Variants in DDHD2 observed in about 807,000 individuals in gnomAD.
The protein encoded by DDHD2 is DDHD domain containing 2.
DDHD2 carries 62 observed loss-of-function variants against 91.2 expected under a neutral mutation model. That is an observed-to-expected ratio of 0.68 (90% CI 0.55 to 0.84). DDHD2 has a LOEUF of 0.84. DDHD2 is among the 40% of genes least tolerant of loss of function. The pLI, the probability that DDHD2 is intolerant of heterozygous loss-of-function variation, is 0.00. For synonymous variants in DDHD2, 271 were observed against 293.9 expected (o/e 0.92, Z 0.80); for missense variants, 740 against 846.9 (o/e 0.87, Z 1.57).
intron 16 of DDHD2, 25 bp from the exon 17 acceptor site, chr8:38,260,015 T>C (rs1468095169): frequency 4.7e-6 from 7 of 1,495,240 alleles, no homozygotes; most frequent in Non-Finnish European, 6.5e-6. Flanking sequence ...GTTCCTTTTC[T>C]CAACATAATT....
chr8:38,249,761 A>G lies in DDHD2; in HGVS notation c.1302A>G (p.Arg434=). Residue 434 remains arginine (R), a synonymous_variant, in exon 11 of 18, where the codon AGA becomes AGG. Coordinates refer to ENST00000397166, the MANE Select transcript of DDHD2 (RefSeq NM_015214.3). ...AAATAGGAATTCCTTTAGGACCAAG[A>G]AAGAAGATATTAAACTATTTCAGCA... ...LQEIGIPLGP[R]KKILNYFSTR... 6.2e-7 allele frequency: 1 copy of G among 1,612,420 alleles called. No individual in the cohort carries two copies. The highest frequency in any genetic ancestry group is 1.1e-5 in the South Asian group (1 of 91,026).
chr8:38,267,544 A>C, downstream of DDHD2: 1 of 847,840 alleles, frequency 1.2e-6, no homozygotes, highest in Admixed American at 3.1e-5. Flanking sequence ...ACACTAAGAG[A>C]AAAGCCTTTC....
chr8:38,262,020 G>T lies in DDHD2; in HGVS notation c.*1447G>T, dbSNP rs1807068111. On this transcript the variant is annotated 3_prime_UTR_variant, in exon 18 of 18. Coordinates refer to ENST00000397166, the MANE Select transcript of DDHD2 (RefSeq NM_015214.3). ...CAGCAGTGGTCTTTATCCCTTTCTG[G>T]AAAGAAAAGGAAAATGAAGGGTAAT... The T allele has an allele frequency of 6.6e-6, 1 of 152,056 alleles. No individual in the cohort carries two copies. The highest frequency in any genetic ancestry group is 6.5e-5 in the Admixed American group (1 of 15,270). The allele number at this position is 152,056 out of a possible 1,614,324, so 9.4% of individuals were successfully genotyped here.
intron 14 of DDHD2, 22 bp from the exon 15 acceptor site, chr8:38,252,935 G>A (rs771396996): frequency 6.2e-7 from 1 of 1,613,008 alleles, no homozygotes; most frequent in South Asian, 1.1e-5. Flanking sequence ...ATCATTTAAT[G>A]TTCTTTATTT....
chr8:38,247,102 T>TTATTTC (rs1036422059), intron 9 of DDHD2: 1 of 152,222 alleles, frequency 6.6e-6, no homozygotes, highest in Non-Finnish European at 1.5e-5. Flanking sequence ...TTAGACTATT[T>TTATTTC]TATTTCTATT....
At chr8:38,264,423 A>C, downstream of DDHD2, 2 of 1,528,420 alleles carry the variant, frequency 1.3e-6, no homozygotes. Flanking sequence ...ATGAGCCACC[A>C]CGCCCGGCCA....
chr8:38,249,666 A>G, intron 10 of DDHD2, 42 bp from the exon 11 acceptor site: 1 of 1,456,002 alleles, frequency 6.9e-7, no homozygotes, highest in Non-Finnish European at 9.5e-7. Context: ...GATTGATTTT[A>G]TTTTGTCTAG....
At chr8:38,244,619 G>C (rs1467624695) in intron 7 of DDHD2, among the ~76,000 whole-genome samples, 1 of 151,358 alleles carries the variant, frequency 6.6e-6, no homozygotes, top group Non-Finnish European at 1.5e-5. Flanking sequence ...GGGCTGGAGT[G>C]CAATGGCACA....
chr8:38,268,419 T>A, intron 1 of DDHD2: 1 of 1,578,190 alleles, frequency 6.3e-7, no homozygotes, highest in Non-Finnish European at 8.6e-7. Context: ...TTGAGAAATT[T>A]GGCCAGGAAG....
At chr8:38,246,028 T>G in intron 8 of DDHD2, 78 bp downstream of exon 8, 1 of 1,422,078 alleles carries the variant, frequency 7.0e-7, no homozygotes, top group Non-Finnish European at 9.8e-7. Context: ...CAATGTCTTT[T>G]ATCAGTATGA....
chr8:38,237,291 G>T (rs192327221), intron 3 of DDHD2, among the ~76,000 whole-genome samples: 243 of 152,192 alleles, frequency 1.6e-3, no homozygotes, highest in African/African-American at 5.8e-3. Context: ...CAAGAGAACT[G>T]CTTGAACCTG....
At chr8:38,251,627 G>A in intron 11 of DDHD2, 1 of 277,962 alleles carries the variant, frequency 3.6e-6, no homozygotes, top group Non-Finnish European at 6.7e-6. Flanking sequence ...ATTTAATCTT[G>A]TTTTCTGAGG....
chr8:38,253,088 A>G lies in DDHD2; in HGVS notation c.1852A>G (p.Thr618Ala). ...ALQASETPEE[T>A]EAEPESTSEK... ...ACAAGCTTCAGAAACACCAGAAGAA[A>G]CTGAAGCAGAACCTGAATCAACTTC... is the stretch of plus-strand genomic sequence containing the variant. The change falls in exon 15 of 18, where the codon ACT becomes GCT. Residue 618 changes from threonine (T) to alanine (A), a missense_variant. Physicochemically the swap from Thr to Ala is moderately conservative, Grantham distance 58 (BLOSUM62 0). Coordinates refer to ENST00000397166, the MANE Select transcript of DDHD2 (RefSeq NM_015214.3). 6.2e-7 allele frequency: 1 copy of G among 1,614,138 alleles called. No homozygotes were observed. The highest frequency in any genetic ancestry group is 1.1e-5 in the South Asian group (1 of 91,074).
chr8:38,263,327 A>G (rs1807183397), downstream of DDHD2: 1 of 947,988 alleles, frequency 1.1e-6, no homozygotes, highest in South Asian at 4.9e-5. Context: ...AAAAAGATTC[A>G]TCTGTCCTTC....
intron 1 of DDHD2, chr8:38,268,168 C>T: frequency 3.9e-6 from 5 of 1,288,146 alleles, no homozygotes; most frequent in Non-Finnish European, 5.2e-6. Context: ...ACAAATAACC[C>T]AGTGCATTTA....
chr8:38,252,911 T>C (rs371491290), intron 14 of DDHD2, 46 bp from the exon 15 acceptor site: 5 of 1,610,306 alleles, frequency 3.1e-6, no homozygotes, highest in Non-Finnish European at 4.2e-6. Flanking sequence ...TGTTGGACCC[T>C]AAGCTCTTTG....
chr8:38,257,275 G>T (rs1295843199), intron 16 of DDHD2, among the ~76,000 whole-genome samples: 1 of 114,142 alleles, frequency 8.8e-6, no homozygotes, highest in Admixed American at 1.2e-4. Context: ...TTGAGAAGGA[G>T]TCTCACTCTG....
At chr8:38,232,479 A>C (rs990026252) in intron 1 of DDHD2, among the ~76,000 whole-genome samples, 1 of 152,272 alleles carries the variant, frequency 6.6e-6, no homozygotes, top group Non-Finnish European at 1.5e-5. Context: ...AGCGACTTCA[A>C]GGATCCATCA....
intron 3 of DDHD2, among the ~76,000 whole-genome samples, chr8:38,236,091 C>T (rs1178589102): frequency 2.0e-5 from 3 of 152,096 alleles, no homozygotes; most frequent in Non-Finnish European, 4.4e-5. Flanking sequence ...TGGCTCATTG[C>T]AAGCTCTGCC....
Sources: allele counts gnomAD v4.1 joint callset (sites outside exome capture counted in the v4.1 genomes callset), GRCh38; gene constraint gnomAD v4.1.1; transcripts MANE v1.5; gene names NCBI Gene and HGNC (gene_info 2026-07-23, HGNC 2026-07-21).